FBXL5: variants seen among roughly 807,000 people sequenced by gnomAD.
FBXL5 encodes F-box/LRR-repeat protein 5.
Under a neutral mutation model 78.3 loss-of-function variants are expected in FBXL5, and 26 were observed. That is an observed-to-expected ratio of 0.33 (90% CI 0.24 to 0.46). The LOEUF (loss-of-function observed/expected upper bound fraction) is 0.46, where lower values mean the gene tolerates loss of function less well. Among genes scored for constraint, FBXL5 ranks in the 20% least tolerant of loss-of-function variants. The pLI, the probability that FBXL5 is intolerant of heterozygous loss-of-function variation, is 1.00. For synonymous variants in FBXL5, 295 were observed against 282.5 expected (o/e 1.04, Z -0.45); for missense variants, 710 against 829.2 (o/e 0.86, Z 1.77).
intron 10 of FBXL5, among the ~76,000 whole-genome samples, chr4:15,609,699 C>T (rs546353770): frequency 6.6e-6 from 1 of 152,066 alleles, no homozygotes; most frequent in South Asian, 2.1e-4. Flanking sequence ...AATGTTATGG[C>T]TAAGAAGACT....
chr4:15,616,779 A>C (rs923195207), intron 9 of FBXL5, among the ~76,000 whole-genome samples: 7 of 152,232 alleles, frequency 4.6e-5, no homozygotes, highest in Admixed American at 2.6e-4. Flanking sequence ...CTCTAAATTC[A>C]TCTCAGCTCC....
chr4:15,649,236 G>A (rs1407067612), intron 1 of FBXL5, among the ~76,000 whole-genome samples: 2 of 151,792 alleles, frequency 1.3e-5, no homozygotes, highest in Non-Finnish European at 2.9e-5. Context: ...CACATGAAAA[G>A]TGCAAACATT....
At chr4:15,624,742 A>G (rs962885033) in intron 9 of FBXL5, among the ~76,000 whole-genome samples, 7 of 152,172 alleles carry the variant, frequency 4.6e-5, no homozygotes, top group Non-Finnish European at 5.9e-5. Context: ...TCATGATCAA[A>G]GACCAAAATT....
intron 4 of FBXL5, among the ~76,000 whole-genome samples, chr4:15,638,225 T>C (rs971798985): frequency 6.6e-6 from 1 of 152,342 alleles, no homozygotes; most frequent in African/African-American, 2.4e-5. Context: ...CAGTGCTCTG[T>C]ACTGGTGGTT....
intron 2 of FBXL5, chr4:15,641,511 T>C: frequency 2.6e-6 from 1 of 385,946 alleles, no homozygotes; most frequent in South Asian, 1.9e-5. Flanking sequence ...TAACATTCTT[T>C]TCTCTAGCTT....
chr4:15,632,462 T>C (rs565558517), intron 5 of FBXL5, among the ~76,000 whole-genome samples: 1 of 152,294 alleles, frequency 6.6e-6, no homozygotes, highest in South Asian at 2.1e-4. Context: ...AAGCCATTGG[T>C]AGCTTGATGG....
chr4:15,625,402 G>C lies in FBXL5; in HGVS notation c.1700C>G (p.Ser567Cys). The C allele has an allele frequency of 6.2e-7, 1 of 1,614,166 alleles. No homozygotes were observed. Among genetic ancestry groups the C allele is most frequent in the Non-Finnish European group, 8.5e-7 (1 of 1,180,038 alleles). The change falls in exon 9 of 11, where the codon TCT becomes TGT. Residue 567 changes from serine (S) to cysteine (C), a missense_variant. Ser to Cys is a moderately radical substitution (Grantham distance 112). Around this residue, in one of 4 missense-constraint regions of FBXL5, gnomAD observed 517 missense variants for 542.9 expected, o/e 0.95. Coordinates refer to ENST00000341285, the MANE Select transcript of FBXL5 (RefSeq NM_012161.4). ...CCTTGCTGCTTTTCTACACATTGCA[G>C]AAGATTCTGGGAGTGATGACATAGT... ...LRTMSSLPES[S>C]AMCRKAARTR...
rs116808113 is a variant in FBXL5 at position 15,627,948 on chromosome 4, T to C, written c.978A>G (p.Pro326=). Residue 326 remains proline, a synonymous_variant, in exon 7 of 11, where the codon CCA becomes CCG. Transcript: ENST00000341285. ...AGGTTTTTACAGAAGTACCAACATA[T>C]GGTAGAACGTTATGAATTAAGCCAT... ...LLHGLIHNVL[P]YVGTSVKTLV... is the part of the protein sequence containing the mutation. The C allele has an allele frequency of 3.1e-4, 494 of 1,613,872 alleles. No individual in the cohort carries two copies. The African/African-American group carries it at 5.3e-3, about 17-fold the overall frequency.
At chr4:15,638,128 T>C (rs1414831079) in intron 4 of FBXL5, among the ~76,000 whole-genome samples, 1 of 152,150 alleles carries the variant, frequency 6.6e-6, no homozygotes, top group Non-Finnish European at 1.5e-5. Flanking sequence ...CTATGGTCAA[T>C]AAAGCTCAGG....
upstream of FBXL5, among the ~76,000 whole-genome samples, chr4:15,664,617 G>A (rs1484615436): frequency 7.3e-6 from 1 of 136,634 alleles, no homozygotes; most frequent in African/African-American, 2.8e-5. Flanking sequence ...GAGTGCAATG[G>A]TACGATCTCA....
At chr4:15,655,491 A>ACGGGGCGGGCGCATGCGCAAG, upstream of FBXL5, 1 of 655,956 alleles carries the variant, frequency 1.5e-6, no homozygotes, top group Non-Finnish European at 1.9e-6. Flanking sequence ...GGGCGCGCGC[A>ACGGGGCGGGCGCATGCGCAAG]GAGGCTCGCG....
intron 1 of FBXL5, among the ~76,000 whole-genome samples, chr4:15,673,358 C>T (rs10008875): frequency 0.29 from 43,422 of 151,884 alleles, 6,449 homozygotes; most frequent in East Asian, 0.47. Flanking sequence ...GGAGGATCAC[C>T]AGAGCCCAGA....
chr4:15,657,483 T>C (rs1405132622), upstream of FBXL5, among the ~76,000 whole-genome samples: 4 of 152,224 alleles, frequency 2.6e-5, no homozygotes, highest in Non-Finnish European at 5.9e-5. Context: ...CCAGACACAT[T>C]AAAAAGGTAT....
upstream of FBXL5, among the ~76,000 whole-genome samples, chr4:15,658,234 A>G (rs1216315210): frequency 6.6e-6 from 1 of 152,252 alleles, no homozygotes; most frequent in Admixed American, 6.5e-5. Context: ...CAATGAAAGA[A>G]TGTTTACGTT....
chr4:15,679,384 C>T (rs1718116499), intron 1 of FBXL5, among the ~76,000 whole-genome samples: 1 of 151,992 alleles, frequency 6.6e-6, no homozygotes, highest in Non-Finnish European at 1.5e-5. Flanking sequence ...TATTAATTAT[C>T]CATCCAGTAG....
intron 5 of FBXL5, among the ~76,000 whole-genome samples, chr4:15,632,168 A>G (rs2148601795): frequency 6.6e-6 from 1 of 152,320 alleles, no homozygotes; most frequent in East Asian, 1.9e-4. Context: ...TTTATTACAT[A>G]GGGAATCCTT....
chr4:15,677,931 G>A (rs1180490634), intron 1 of FBXL5, among the ~76,000 whole-genome samples: 1 of 87,978 alleles, frequency 1.1e-5, no homozygotes, highest in African/African-American at 4.1e-5. Context: ...GGGACTGAGC[G>A]CTTAACCTGT....
upstream of FBXL5, among the ~76,000 whole-genome samples, chr4:15,664,550 C>CTTTT (rs35319145): frequency 1.9e-3 from 144 of 75,518 alleles, 2 homozygotes; most frequent in East Asian, 2.7e-3. Flanking sequence ...GGCCCTCATC[C>CTTTT]TTTTTTTTTT....
chr4:15,627,538 G>A (rs889388874), intron 7 of FBXL5, among the ~76,000 whole-genome samples: 1 of 152,150 alleles, frequency 6.6e-6, no homozygotes, highest in Non-Finnish European at 1.5e-5. Flanking sequence ...TTATAAAACA[G>A]TGATTTCATC....
Sources: gnomAD v4.1 joint callset for allele counts (sites outside exome capture counted in the v4.1 genomes callset) on GRCh38, gnomAD v4.1.1 for gene constraint, gnomAD v4.1.1 regional missense constraint, MANE v1.5 for transcripts, NCBI Gene and HGNC (gene_info 2026-07-23, HGNC 2026-07-21) for gene names.